Variants in BICRAL observed in about 807,000 individuals in gnomAD.
BICRAL encodes the protein BICRA like chromatin remodeling complex associated protein.
In BICRAL, 8 loss-of-function variants were observed where a neutral mutation model predicts 91.8. That is an observed-to-expected ratio of 0.09 (90% CI 0.05 to 0.16). The LOEUF (loss-of-function observed/expected upper bound fraction) is 0.16, where lower values mean the gene tolerates loss of function less well. Ranked by LOEUF, BICRAL falls within the 10% of genes least tolerant of loss-of-function variation. The probability of loss-of-function intolerance (pLI) is 1.00; values close to 1 mark genes in which losing one functional copy is unlikely to be tolerated. For synonymous variants in BICRAL, 445 were observed against 491.1 expected (o/e 0.91, Z 1.24); for missense variants, 1,038 against 1,310.9 (o/e 0.79, Z 3.21).
In BICRAL at chr6:42,868,443, T is replaced by C. The variant is rs1290300323; in HGVS notation, c.*2997T>C. On this transcript the variant is annotated 3_prime_UTR_variant, in exon 13 of 13. Coordinates refer to ENST00000314073, the MANE Select transcript of BICRAL (RefSeq NM_001393499.1). Reference sequence around the variant, plus strand: ...AGTTTATTTTGTTATGTTGGATAAATACTGTTAAAAGAAACCAGTCAGTAA... The same window carrying C: ...AGTTTATTTTGTTATGTTGGATAAACACTGTTAAAAGAAACCAGTCAGTAA... 1.3e-5 allele frequency: 2 copies of C among 152,300 alleles called. No individual in the cohort carries two copies. Among genetic ancestry groups the C allele is most frequent in the Non-Finnish European group, 2.9e-5 (2 of 67,964 alleles). The allele number at this position is 152,300 out of a possible 1,614,324, so 9.4% of individuals were successfully genotyped here.
chr6:42,843,214 C>T (rs561978798), intron 6 of BICRAL, among the ~76,000 whole-genome samples: 4 of 152,116 alleles, frequency 2.6e-5, no homozygotes, highest in African/African-American at 9.7e-5. Context: ...GAAAAGGAGC[C>T]TCTAACCCAG....
At chr6:42,746,712 C>T (rs1762280625), upstream of BICRAL, among the ~76,000 whole-genome samples, 1 of 150,730 alleles carries the variant, frequency 6.6e-6, no homozygotes, top group Non-Finnish European at 1.5e-5. Flanking sequence ...CTCATCCTTA[C>T]CGCCCCCCTC....
At chr6:42,749,105 T>C (rs185387726) in intron 1 of BICRAL, among the ~76,000 whole-genome samples, 59 of 152,356 alleles carry the variant, frequency 3.9e-4, no homozygotes, top group African/African-American at 1.4e-3. Flanking sequence ...TTATGGACTT[T>C]ACCGTTTATT....
chr6:42,827,323 G>C (rs1201523786), intron 5 of BICRAL, among the ~76,000 whole-genome samples: 1 of 152,138 alleles, frequency 6.6e-6, no homozygotes, highest in Non-Finnish European at 1.5e-5. Context: ...TATCATGCAG[G>C]ATATCTCTGC....
In BICRAL at chr6:42,803,447, G is replaced by A. The variant is rs541644285; in HGVS notation, c.-101-6859G>A. ...AGTCAGTGGATCCTGGACCATGGAG[G>A]ACCAGGCCTGCATCCCAAATCCTGT... On this transcript the variant is annotated intron_variant, in intron 1 of 12. Transcript: ENST00000314073. Among the ~76,000 whole-genome samples the A allele has an allele frequency of 1.6e-3, 241 of 152,266 alleles. 1 individual carries two copies. The highest frequency in any genetic ancestry group is 5.5e-3 in the African/African-American group (227 of 41,552).
chr6:42,791,652 T>C (rs1008437089), intron 1 of BICRAL, among the ~76,000 whole-genome samples: 8 of 152,186 alleles, frequency 5.3e-5, no homozygotes, highest in Non-Finnish European at 1.2e-4. Context: ...TTTTTTGAGA[T>C]GAGAACTCAC....
At chr6:42,822,524 C>T (rs1764170317) in intron 3 of BICRAL, among the ~76,000 whole-genome samples, 1 of 150,952 alleles carries the variant, frequency 6.6e-6, no homozygotes, top group African/African-American at 2.4e-5. Context: ...GCTGGGATTA[C>T]AGGCATGAGC....
rs1183720610 is a variant in BICRAL at position 42,864,765 on chromosome 6, G to A, written c.2559G>A (p.Leu853=). 1 of 1,614,062 alleles carries A rather than the reference G, an allele frequency of 6.2e-7. No homozygotes were observed. The highest frequency in any genetic ancestry group is 1.1e-5 in the South Asian group (1 of 91,088). ...DQHGSKASSS[L]QPPAKAQGRD... ...ATGGCAGTAAAGCAAGCAGCTCTCT[G>A]CAACCGCCAGCCAAGGCCCAAGGCA... The change falls in exon 13 of 13, where the codon CTG becomes CTA. Residue 853 remains leucine (L), a synonymous_variant. Transcript: ENST00000314073.
rs58785533 is a variant in BICRAL, at chr6:42,868,070, C to CTTTTTTT, written c.*2635_*2641dup. On this transcript the variant is annotated 3_prime_UTR_variant, in exon 13 of 13. Transcript: ENST00000314073. ...TGTACTCAGTAACAAAAATCATTTT[C>CTTTTTTT]TTTTTTTTTTTTTTTTTCTGTTGTG... The CTTTTTTT allele has an allele frequency of 3.2e-5, 4 of 124,072 alleles. No homozygotes were observed. Among genetic ancestry groups the CTTTTTTT allele is most frequent in the Admixed American group, 8.1e-5 (1 of 12,276 alleles). 7.7% of individuals were successfully genotyped at this position (124,072 alleles called of 1,614,324 possible).
chr6:42,865,475 C>G lies in BICRAL; in HGVS notation c.*29C>G, dbSNP rs754626108. 2 of 1,290,984 alleles carry G rather than the reference C, an allele frequency of 1.5e-6. No individual in the cohort carries two copies. Among genetic ancestry groups the G allele is most frequent in the African/African-American group, 1.5e-5 (1 of 66,838 alleles). 80.0% of individuals were successfully genotyped at this position (1,290,984 alleles called of 1,614,324 possible). A position where few individuals can be genotyped will look rare whatever the true frequency, so the allele number is the denominator to read the frequency against. The stretch of plus-strand genomic sequence containing the variant: ...CAGCAGTCCTCCCCCTACCCCGCCC[C>G]GAGACCCCACCCCGAGACCCCACCC... On this transcript the variant is annotated 3_prime_UTR_variant, in exon 13 of 13. Transcript: ENST00000314073.
chr6:42,827,142 A>G (rs1764329640), intron 5 of BICRAL, among the ~76,000 whole-genome samples: 1 of 152,206 alleles, frequency 6.6e-6, no homozygotes, highest in Non-Finnish European at 1.5e-5. Context: ...AGGGTGGTTA[A>G]CATTAGTTGA....
chr6:42,865,745 G>GT lies in BICRAL; in HGVS notation c.*305dup. On this transcript the variant is annotated 3_prime_UTR_variant, in exon 13 of 13. Coordinates refer to ENST00000314073, the MANE Select transcript of BICRAL (RefSeq NM_001393499.1). Reference sequence around the variant, plus strand: ...TATAGGCATTTTGTTTATTTGTTTTGTTTTTTAAAAACACTGTAACTCAAT... The same window carrying GT: ...TATAGGCATTTTGTTTATTTGTTTTGTTTTTTTAAAAACACTGTAACTCAAT... The GT allele has an allele frequency of 3.3e-6, 1 of 299,742 alleles. No homozygotes were observed. The highest frequency in any genetic ancestry group is 6.2e-6 in the Non-Finnish European group (1 of 161,044). The allele number at this position is 299,742 out of a possible 1,614,324, so 18.6% of individuals were successfully genotyped here. A position where few individuals can be genotyped will look rare whatever the true frequency, so the allele number is the denominator to read the frequency against.
At chr6:42,801,991 A>T (rs1763587759) in intron 1 of BICRAL, among the ~76,000 whole-genome samples, 1 of 152,158 alleles carries the variant, frequency 6.6e-6, no homozygotes, top group African/African-American at 2.4e-5. Flanking sequence ...AATATATCAT[A>T]ATGCTGGGCA....
intron 6 of BICRAL, among the ~76,000 whole-genome samples, chr6:42,848,050 A>G (rs1765071444): frequency 6.6e-6 from 1 of 151,984 alleles, no homozygotes; most frequent in African/African-American, 2.4e-5. Context: ...AACGGCGTGA[A>G]CCCAGGAGGC....
chr6:42,853,315 T>C (rs776816568), intron 7 of BICRAL, among the ~76,000 whole-genome samples: 16 of 152,192 alleles, frequency 1.1e-4, no homozygotes, highest in Non-Finnish European at 1.9e-4. Flanking sequence ...TTTCCTTAAA[T>C]TGTATTTTGG....
intron 2 of BICRAL, among the ~76,000 whole-genome samples, chr6:42,821,382 A>G (rs545332624): frequency 1.3e-5 from 2 of 151,938 alleles, no homozygotes; most frequent in Non-Finnish European, 2.9e-5. Flanking sequence ...GAGATTCTCT[A>G]CTTTAAGGAT....
chr6:42,855,546 C>G (rs1194195327), intron 8 of BICRAL, among the ~76,000 whole-genome samples: 2 of 150,618 alleles, frequency 1.3e-5, no homozygotes, highest in Non-Finnish European at 3.0e-5. Context: ...TGTCAAAAAA[C>G]ATGATGATGA....
chr6:42,795,301 C>T (rs1763389660), intron 1 of BICRAL, among the ~76,000 whole-genome samples: 1 of 152,006 alleles, frequency 6.6e-6, no homozygotes, highest in South Asian at 2.1e-4. Context: ...CATAATGGTG[C>T]ACGCCTGCAA....
intron 1 of BICRAL, among the ~76,000 whole-genome samples, chr6:42,787,696 G>T (rs1227188813): frequency 1.3e-5 from 2 of 152,172 alleles, no homozygotes; most frequent in African/African-American, 4.8e-5. Context: ...TGAGAATAGA[G>T]AAATGTCTAT....
Sources: allele counts gnomAD v4.1 joint callset (sites outside exome capture counted in the v4.1 genomes callset), GRCh38; gene constraint gnomAD v4.1.1; transcripts MANE v1.5; gene names NCBI Gene and HGNC (gene_info 2026-07-23, HGNC 2026-07-21).